The following DYTN variants were observed in gnomAD, a reference collection of about 807,000 sequenced individuals.
DYTN encodes the protein dystrotelin.
DYTN carries 75 observed loss-of-function variants against 69.6 expected under a neutral mutation model. The ratio of observed to expected loss-of-function variants is 1.08; its 90% CI spans 0.89 to 1.31. The LOEUF (loss-of-function observed/expected upper bound fraction) is 1.31. Ranked by LOEUF, DYTN falls within the 50% of genes most tolerant of loss-of-function variation. The probability of loss-of-function intolerance (pLI) is 0.00; values close to 1 mark genes in which losing one functional copy is unlikely to be tolerated. For synonymous variants in DYTN, 252 were observed against 249.1 expected, an observed-to-expected ratio of 1.01 and a Z score of -0.11; for missense variants, 726 against 688.4, an observed-to-expected ratio of 1.05 and a Z score of -0.61.
chr2:206,706,161 T>G (rs1700023536), intron 3 of DYTN, among the ~76,000 whole-genome samples: 1 of 152,148 alleles, frequency 6.6e-6, no homozygotes, highest in East Asian at 1.9e-4. Context: ...TAAACCCTGT[T>G]TTCATGGAGC....
At position 206,702,349 on chromosome 2, in the gene DYTN, T is replaced by A. The variant is rs76557702; in HGVS notation, c.484-2133A>T. On this transcript the variant is annotated intron_variant, in intron 5 of 11. Coordinates refer to ENST00000452335, the MANE Select transcript of DYTN (RefSeq NM_001093730.1). ...GCATTGCCTGCAAGCTCAGAAGTAATCTCAGAGACCCTCCTGCTGAGTCCA... is the reference window on the plus strand; with the variant it reads ...GCATTGCCTGCAAGCTCAGAAGTAAACTCAGAGACCCTCCTGCTGAGTCCA... Among the ~76,000 whole-genome samples the A allele has an allele frequency of 9.6e-3, 1,465 of 152,358 alleles. 23 individuals are homozygous for A. The highest frequency in any genetic ancestry group is 0.034 in the African/African-American group (1,412 of 41,586).
chr2:206,703,740 C>A (rs1260570427), intron 5 of DYTN, among the ~76,000 whole-genome samples: 9 of 152,156 alleles, frequency 5.9e-5, no homozygotes, highest in Non-Finnish European at 1.3e-4. Context: ...TGGCTATCCT[C>A]AGTTCAGAAT....
At chr2:206,708,910 A>C (rs937586703) in intron 2 of DYTN, among the ~76,000 whole-genome samples, 23 of 152,206 alleles carry the variant, frequency 1.5e-4, no homozygotes, top group Admixed American at 9.2e-4. Context: ...CTGTGCATCC[A>C]CAAATTACGC....
At chr2:206,703,707 C>A (rs767771796) in intron 5 of DYTN, among the ~76,000 whole-genome samples, 46 of 152,304 alleles carry the variant, frequency 3.0e-4, no homozygotes, top group Non-Finnish European at 5.3e-4. Flanking sequence ...TCCTCCTTAT[C>A]CCGCCCTTGC....
intron 2 of DYTN, among the ~76,000 whole-genome samples, chr2:206,709,524 T>C (rs1002851852): frequency 2.0e-5 from 3 of 152,014 alleles, no homozygotes; most frequent in Admixed American, 6.6e-5. Context: ...GATGGAGTTG[T>C]TCCTGCTGAG....
In DYTN at chr2:206,717,043, A is replaced by AACACACACACACACAC. The variant is rs71852382; in HGVS notation, c.19+1202_19+1217dup. Among the ~76,000 whole-genome samples the AACACACACACACACAC allele has an allele frequency of 1.1e-3, 157 of 143,812 alleles. 4 individuals carry two copies. The highest frequency in any genetic ancestry group is 3.2e-3 in the African/African-American group (124 of 38,714). The allele number at this position is 143,812 out of a possible 152,430, so 94.3% of individuals were successfully genotyped here. On this transcript the variant is annotated intron_variant, in intron 1 of 11. Coordinates refer to ENST00000452335, the MANE Select transcript of DYTN (RefSeq NM_001093730.1). ...TTTACATTTTTTTTCTGCCGATGCA[A>AACACACACACACACAC]ACACACACACACACACACACACACA... is the stretch of plus-strand genomic sequence containing the variant.
At chr2:206,704,532 C>T (rs1287031092) in intron 5 of DYTN, among the ~76,000 whole-genome samples, 4 of 152,154 alleles carry the variant, frequency 2.6e-5, no homozygotes, top group African/African-American at 9.7e-5. Flanking sequence ...ATTGTCTTTG[C>T]TAAGCTATTT....
In DYTN at chr2:206,699,895, A is replaced by C; in HGVS notation, c.556-5T>G. The C allele has an allele frequency of 6.2e-7, 1 of 1,611,068 alleles. No homozygotes were observed. The highest frequency in any genetic ancestry group is 8.5e-7 in the Non-Finnish European group (1 of 1,178,820). Reference sequence around the variant, plus strand: ...TTTGATTGCTGGGCTCAACACCTGAAAAACAATGGCACTCTAAGATGTGTT... The same window carrying C: ...TTTGATTGCTGGGCTCAACACCTGACAAACAATGGCACTCTAAGATGTGTT... On this transcript the variant is annotated splice_polypyrimidine_tract_variant and splice_region_variant and intron_variant, in intron 6 of 11. Coordinates refer to ENST00000452335, the MANE Select transcript of DYTN (RefSeq NM_001093730.1).
In DYTN at chr2:206,685,922, T is replaced by A. The variant is rs569141546; in HGVS notation, c.980+7253A>T. Reference sequence around the variant, plus strand: ...AGAGCAAGGGACGCTTTTTTCTCAGTTCCCTAAAAATGTTGAAGTTATATT... The same window carrying A: ...AGAGCAAGGGACGCTTTTTTCTCAGATCCCTAAAAATGTTGAAGTTATATT... On this transcript the variant is annotated intron_variant, in intron 9 of 11. Coordinates refer to ENST00000452335, the MANE Select transcript of DYTN (RefSeq NM_001093730.1). 5.2e-4 allele frequency among the ~76,000 whole-genome samples: 79 copies of A among 151,762 alleles called. 1 individual carries two copies. The highest frequency in any genetic ancestry group is 1.7e-3 in the African/African-American group (71 of 41,318).
intron 11 of DYTN, 32 bp from the exon 12 acceptor site, chr2:206,651,953 G>A: frequency 6.3e-7 from 1 of 1,579,384 alleles, no homozygotes; most frequent in Non-Finnish European, 8.6e-7. Flanking sequence ...GTCATTTAGA[G>A]AAACATACCG....
intron 9 of DYTN, among the ~76,000 whole-genome samples, chr2:206,668,099 T>C (rs533651068): frequency 1.3e-5 from 2 of 152,198 alleles, no homozygotes; most frequent in South Asian, 4.2e-4. Flanking sequence ...CAGAAAGGAG[T>C]CAGCCCAGGG....
At chr2:206,660,719 C>A (rs923777599) in intron 11 of DYTN, among the ~76,000 whole-genome samples, 1 of 152,226 alleles carries the variant, frequency 6.6e-6, no homozygotes, top group Non-Finnish European at 1.5e-5. Flanking sequence ...TTTGAGCATA[C>A]TTCTGGCATC....
intron 9 of DYTN, among the ~76,000 whole-genome samples, chr2:206,675,161 A>G (rs1298436931): frequency 7.6e-6 from 1 of 131,712 alleles, no homozygotes. Context: ...ATGTGTATAT[A>G]TATTTAAATA....
chr2:206,680,274 C>A (rs1338071505), intron 9 of DYTN, among the ~76,000 whole-genome samples: 1 of 152,058 alleles, frequency 6.6e-6, no homozygotes, highest in Non-Finnish European at 1.5e-5. Context: ...GAGACTTACT[C>A]ACTATTATGA....
chr2:206,687,119 A>C lies in DYTN; in HGVS notation c.980+6056T>G, dbSNP rs191882018. ...AAATAAATTTGTTTTGCCATAGGGA[A>C]ATTTCCCTGGCTTCATCCTTTCTAT... is the stretch of plus-strand genomic sequence containing the variant. On this transcript the variant is annotated intron_variant, in intron 9 of 11. Coordinates refer to ENST00000452335, the MANE Select transcript of DYTN (RefSeq NM_001093730.1). 6.5e-5 allele frequency: 10 copies of C among 155,026 alleles called. No homozygotes were observed. In the South Asian group the frequency reaches 1.8e-3, roughly 28 times the overall value. 9.6% of individuals were successfully genotyped at this position (155,026 alleles called of 1,614,324 possible).
At chr2:206,662,343 A>T (rs1699521162) in intron 11 of DYTN, among the ~76,000 whole-genome samples, 1 of 152,226 alleles carries the variant, frequency 6.6e-6, no homozygotes, top group South Asian at 2.1e-4. Flanking sequence ...CTCTCTCTAC[A>T]TATGTAAAGA....
chr2:206,701,574 G>A (rs1699977750), intron 5 of DYTN, among the ~76,000 whole-genome samples: 1 of 152,184 alleles, frequency 6.6e-6, no homozygotes, highest in African/African-American at 2.4e-5. Context: ...CTTACATGTG[G>A]AATCTAAAAA....
In DYTN at chr2:206,718,339, G is replaced by A; in HGVS notation, c.-60C>T. ...GGTCCCTGTAACTAGAAATGAACCA[G>A]TATTTTAAGCAGAAGGTTTTGCAGC... On this transcript the variant is annotated 5_prime_UTR_variant, in exon 1 of 12. Coordinates refer to ENST00000452335, the MANE Select transcript of DYTN (RefSeq NM_001093730.1). 1.9e-6 allele frequency: 3 copies of A among 1,564,732 alleles called. No homozygotes were observed. The highest frequency in any genetic ancestry group is 2.3e-5 in the East Asian group (1 of 43,832).
chr2:206,682,919 G>A (rs984369220), intron 9 of DYTN, among the ~76,000 whole-genome samples: 2 of 151,954 alleles, frequency 1.3e-5, no homozygotes, highest in South Asian at 2.1e-4. Flanking sequence ...TAGATCTAAG[G>A]ATGAGAATAT....
Sources: gnomAD v4.1 joint callset for allele counts (sites outside exome capture counted in the v4.1 genomes callset) on GRCh38, gnomAD v4.1.1 for gene constraint, MANE v1.5 for transcripts, NCBI Gene and HGNC (gene_info 2026-07-23, HGNC 2026-07-21) for gene names.